The following SMARCAL1 variants were observed in gnomAD, a reference collection of about 807,000 sequenced individuals.
SMARCAL1 encodes the protein SNF2 related chromatin remodeling annealing helicase 1.
Under a neutral mutation model 94.5 loss-of-function variants are expected in SMARCAL1, and 58 were observed. The ratio of observed to expected loss-of-function variants is 0.61; its 90% CI spans 0.50 to 0.76. SMARCAL1 has a LOEUF of 0.76. Ranked by LOEUF, SMARCAL1 falls within the 30% of genes least tolerant of loss-of-function variation. The probability of loss-of-function intolerance (pLI) is 0.00; values close to 1 mark genes in which losing one functional copy is unlikely to be tolerated. For missense variants in SMARCAL1, 1,051 were observed against 1,177.9 expected (o/e 0.89, Z 1.58); for synonymous variants, 422 against 455.1 (o/e 0.93, Z 0.93).
intron 5 of SMARCAL1, among the ~76,000 whole-genome samples, chr2:216,421,765 T>C (rs1693726926): frequency 1.3e-5 from 2 of 152,206 alleles, no homozygotes; most frequent in South Asian, 4.1e-4. Flanking sequence ...TTTAATCTTG[T>C]TCTTAATCAA....
chr2:216,420,256 TC>T, intron 4 of SMARCAL1, 42 bp from the exon 5 acceptor site: 5 of 1,504,512 alleles, frequency 3.3e-6, no homozygotes, highest in Non-Finnish European at 4.6e-6. Flanking sequence ...CACATCATAG[TC>T]CCCTGCTTTA....
intron 7 of SMARCAL1, 72 bp from the exon 8 acceptor site, chr2:216,432,646 G>A: frequency 1.3e-6 from 2 of 1,591,224 alleles, no homozygotes; most frequent in Non-Finnish European, 1.7e-6. Context: ...CAGCAGTGCT[G>A]ACCCACCGGA....
intron 10 of SMARCAL1, among the ~76,000 whole-genome samples, chr2:216,444,545 C>G (rs1482253685): frequency 6.6e-6 from 1 of 152,134 alleles, no homozygotes; most frequent in African/African-American, 2.4e-5. Flanking sequence ...CAGAGTTTCA[C>G]TCTTGTCACC....
At chr2:216,438,820 CA>C (rs1694134527) in intron 10 of SMARCAL1, among the ~76,000 whole-genome samples, 1 of 152,180 alleles carries the variant, frequency 6.6e-6, no homozygotes, top group Non-Finnish European at 1.5e-5. Context: ...GAGCCTCTAG[CA>C]GCTTGTCCAC....
rs779619746 is a variant in SMARCAL1, at chr2:216,435,358, A to G, written c.1506A>G (p.Pro502=). The change falls in exon 9 of 18, where the codon CCA becomes CCG. Residue 502 remains proline (P), a synonymous_variant. Transcript: ENST00000357276. ...CACAGGCCTTCCTTCGGTGGCTGCC[A>G]TCTCTGAGCCCAGATTGCATCAACG... ...TWEQAFLRWL[P]SLSPDCINVV... The G allele has an allele frequency of 1.2e-6, 2 of 1,614,080 alleles. No individual in the cohort carries two copies. Among genetic ancestry groups the G allele is most frequent in the South Asian group, 2.2e-5 (2 of 91,078 alleles).
rs758029017 is a variant in SMARCAL1 at position 216,478,196 on chromosome 2, C to G, written c.2529-7C>G. 1.7e-5 allele frequency: 28 copies of G among 1,613,316 alleles called. No individual in the cohort carries two copies. The highest frequency in any genetic ancestry group is 2.3e-5 in the Non-Finnish European group (27 of 1,179,378). ...TGTATTCACTGCAGCTCATTTCTCCCCAACAGGCCCCTGATTCAAGAGAAG... is the reference window on the plus strand; with the variant it reads ...TGTATTCACTGCAGCTCATTTCTCCGCAACAGGCCCCTGATTCAAGAGAAG... On this transcript the variant is annotated splice_polypyrimidine_tract_variant and splice_region_variant and intron_variant, in intron 16 of 17. Transcript: ENST00000357276.
intron 9 of SMARCAL1, 95 bp downstream of exon 9, chr2:216,435,591 C>T (rs1355224929): frequency 4.5e-6 from 5 of 1,100,960 alleles, no homozygotes; most frequent in Middle Eastern, 2.0e-4. Context: ...TCTCCTTGAG[C>T]CCCATTTAGT....
At position 216,420,340 on chromosome 2, in the gene SMARCAL1, C is replaced by T; in HGVS notation, c.904C>T (p.Leu302=). ...CCTCCCCACGGTCAACCTGCAGCCT[C>T]TGGAATGGGCCTATGGCAGCAGCGA... ...QSLPTVNLQP[L]EWAYGSSESP... The change falls in exon 5 of 18, where the codon CTG becomes TTG. Residue 302 remains leucine, a synonymous_variant. Transcript: ENST00000357276. 6.2e-7 allele frequency: 1 copy of T among 1,614,198 alleles called. No individual in the cohort carries two copies. The highest frequency in any genetic ancestry group is 8.5e-7 in the Non-Finnish European group (1 of 1,180,038).
intron 12 of SMARCAL1, among the ~76,000 whole-genome samples, chr2:216,457,618 A>G (rs1400334477): frequency 6.6e-6 from 1 of 152,222 alleles, no homozygotes; most frequent in Non-Finnish European, 1.5e-5. Context: ...AGGCAGAAAT[A>G]AAGGTGTTCC....
rs748188404 is a variant in SMARCAL1 at position 216,415,192 on chromosome 2, C to A, written c.488C>A (p.Thr163Asn). The change falls in exon 3 of 18, where the codon ACT (threonine) becomes AAT (asparagine). Residue 163 changes from threonine to asparagine, a missense_variant. This residue lies in a region of SMARCAL1 where 398 missense variants were observed against 395.2 expected (regional missense o/e 1.01). Coordinates refer to ENST00000357276, the MANE Select transcript of SMARCAL1 (RefSeq NM_014140.4). ...EIRFTPFANPTHKPLAKPKSS... is the reference protein window; with the variant it reads ...EIRFTPFANPNHKPLAKPKSS... ...AGGTTCACACCCTTTGCTAACCCAA[C>A]TCATAAGCCTCTGGCCAAACCAAAG... The A allele has an allele frequency of 1.7e-5, 27 of 1,613,732 alleles. No individual in the cohort carries two copies. The highest frequency in any genetic ancestry group is 1.3e-4 in the Admixed American group (8 of 59,936).
intron 14 of SMARCAL1, among the ~76,000 whole-genome samples, chr2:216,472,871 T>TA (rs1292009142): frequency 6.6e-6 from 1 of 152,204 alleles, no homozygotes; most frequent in Non-Finnish European, 1.5e-5. Flanking sequence ...ATGGACATGC[T>TA]AATACATTAG....
chr2:216,420,262 G>A, intron 4 of SMARCAL1, 37 bp from the exon 5 acceptor site: 1 of 1,547,702 alleles, frequency 6.5e-7, no homozygotes, highest in Non-Finnish European at 8.9e-7. Context: ...ATAGTCCCCT[G>A]CTTTATCACT....
In SMARCAL1 at chr2:216,475,422, G is replaced by A. The variant is rs1285866356; in HGVS notation, c.2398G>A (p.Val800Met). 3.7e-6 allele frequency: 6 copies of A among 1,614,088 alleles called. No individual in the cohort carries two copies. Among genetic ancestry groups the A allele is most frequent in the Non-Finnish European group, 4.2e-6 (5 of 1,180,030 alleles). The change falls in exon 15 of 18, where the codon GTG (valine) becomes ATG (methionine). Residue 800 changes from valine to methionine, a missense_variant. Physicochemically the swap from Val to Met is conservative, Grantham distance 21. Coordinates refer to ENST00000357276, the MANE Select transcript of SMARCAL1 (RefSeq NM_014140.4). The surrounding 1 kb of genome is among the most constrained non-coding windows in gnomAD (Gnocchi z 4.4). The stretch of plus-strand genomic sequence containing the variant: ...CACCTTCTCCTCGGCTGACCTGGTG[G>A]TGTTTGCTGAGCTGTTTTGGAACCC... ...GLTFSSADLV[V>M]FAELFWNPGV... is the part of the protein sequence containing the mutation.
At chr2:216,422,774 A>G (rs1693752508) in intron 5 of SMARCAL1, among the ~76,000 whole-genome samples, 1 of 152,242 alleles carries the variant, frequency 6.6e-6, no homozygotes, top group Non-Finnish European at 1.5e-5. Flanking sequence ...CCCAGATAGC[A>G]TTTACTGAGA....
intron 12 of SMARCAL1, among the ~76,000 whole-genome samples, chr2:216,461,913 G>A (rs1694715973): frequency 2.6e-5 from 4 of 152,020 alleles, no homozygotes; most frequent in Admixed American, 2.6e-4. Context: ...CGTTTTGTTG[G>A]GCCTTTAAGT....
At chr2:216,434,751 G>C (rs1007512536) in intron 8 of SMARCAL1, among the ~76,000 whole-genome samples, 1 of 151,982 alleles carries the variant, frequency 6.6e-6, no homozygotes, top group Admixed American at 6.6e-5. Context: ...AGGCTGAGGC[G>C]GGAGGATCAC....
chr2:216,414,583 A>G, intron 2 of SMARCAL1, 64 bp from the exon 3 acceptor site: 3 of 842,744 alleles, frequency 3.6e-6, no homozygotes, highest in Admixed American at 4.3e-5. Flanking sequence ...TGTTAAAATC[A>G]TGGTTGGAGT....
intron 12 of SMARCAL1, among the ~76,000 whole-genome samples, chr2:216,457,126 CAAG>C (rs56051195): frequency 0.29 from 44,184 of 151,764 alleles, 7,467 homozygotes; most frequent in African/African-American, 0.47. Context: ...ATCAATTCAA[CAAG>C]AAGAGCTAAC....
rs1695056036 is a variant in SMARCAL1, at chr2:216,475,529, G to A, written c.2427+78G>A. On this transcript the variant is annotated intron_variant, in intron 15 of 17. Coordinates refer to ENST00000357276, the MANE Select transcript of SMARCAL1 (RefSeq NM_014140.4). The surrounding 1 kb of genome is among the most constrained non-coding windows in gnomAD (Gnocchi z 4.4). ...CAGGAAGCAGTGAGTGTCGGTCGGG[G>A]AAAGTGTGGTTTCCCTTTTATCCAT... The A allele has an allele frequency of 7.5e-6, 11 of 1,470,646 alleles. No individual in the cohort carries two copies. In the Admixed American group the frequency reaches 8.4e-5, roughly 11 times the overall value. 91.1% of individuals were successfully genotyped at this position (1,470,646 alleles called of 1,614,324 possible). A position where few individuals can be genotyped will look rare whatever the true frequency, so the allele number is the denominator to read the frequency against.
Sources: gnomAD v4.1 joint callset for allele counts (sites outside exome capture counted in the v4.1 genomes callset) on GRCh38, gnomAD v4.1.1 for gene constraint, gnomAD v4.1.1 regional missense constraint, Gnocchi (gnomAD v3.1) non-coding constraint, MANE v1.5 for transcripts, NCBI Gene and HGNC (gene_info 2026-07-23, HGNC 2026-07-21) for gene names.